SLC36A1: variants seen among roughly 807,000 people sequenced by gnomAD.
SLC36A1 encodes proton-coupled amino acid transporter 1.
In SLC36A1, 30 loss-of-function variants were observed where a neutral mutation model predicts 47.5. The ratio of observed to expected loss-of-function variants is 0.63; its 90% CI spans 0.47 to 0.86. The LOEUF (loss-of-function observed/expected upper bound fraction) is 0.86, where lower values mean the gene tolerates loss of function less well. SLC36A1 is among the 40% of genes least tolerant of loss of function. The pLI, the probability that SLC36A1 is intolerant of heterozygous loss-of-function variation, is 0.00. For synonymous variants in SLC36A1, 255 were observed against 249.7 expected (o/e 1.02, Z -0.20); for missense variants, 517 against 606.0 (o/e 0.85, Z 1.54).
the SLC36A1 span, among the ~76,000 whole-genome samples, chr5:151,365,891 C>T: frequency 6.6e-6 from 1 of 152,084 alleles, no homozygotes; most frequent in Admixed American, 6.5e-5. Flanking sequence ...GGTGGTGCCT[C>T]CTGGTGGTAC....
the SLC36A1 span, among the ~76,000 whole-genome samples, chr5:151,427,536 A>G: frequency 6.6e-6 from 1 of 152,140 alleles, no homozygotes; most frequent in African/African-American, 2.4e-5. Flanking sequence ...CTTTGTTAAG[A>G]GTTTTGTCAG....
the SLC36A1 span, chr5:151,543,753 A>C: frequency 6.2e-7 from 1 of 1,614,230 alleles, no homozygotes; most frequent in Non-Finnish European, 8.5e-7. Context: ...GGAAGACTCC[A>C]TCAGAAGCAC....
the SLC36A1 span, chr5:151,527,270 C>T: frequency 4.5e-5 from 73 of 1,612,824 alleles, no homozygotes; most frequent in African/African-American, 8.0e-5. Context: ...GGAAGAATCT[C>T]GGTGGGTTAT....
the SLC36A1 span, among the ~76,000 whole-genome samples, chr5:151,375,171 C>G: frequency 6.6e-6 from 1 of 152,086 alleles, no homozygotes; most frequent in Admixed American, 6.5e-5. Flanking sequence ...GGGTTTTCTT[C>G]TAGCATTTTA....
chr5:151,383,391 C>T, the SLC36A1 span, among the ~76,000 whole-genome samples: 3 of 152,038 alleles, frequency 2.0e-5, no homozygotes, highest in Non-Finnish European at 4.4e-5. Context: ...TCACATTTGT[C>T]GTACAGCTTA....
At position 151,454,083 on chromosome 5, in the gene SLC36A1, A is replaced by ATTTT. The variant is rs35097474; in HGVS notation, c.-5-4684_-5-4681dup. ...AATGTTTTAAGGTTTGTACACTTAA[A>ATTTT]TTTTTTTTTTTTTTTTTTTTTTTTG... On this transcript the variant is annotated intron_variant, in intron 1 of 10. Transcript: ENST00000243389. 8.9e-3 allele frequency among the ~76,000 whole-genome samples: 787 copies of ATTTT among 88,002 alleles called. 11 individuals are homozygous for ATTTT. The highest frequency in any genetic ancestry group is 0.033 in the African/African-American group (702 of 21,194). The allele number at this position is 88,002 out of a possible 152,430, so 57.7% of individuals were successfully genotyped here. A position where few individuals can be genotyped will look rare whatever the true frequency, so the allele number is the denominator to read the frequency against.
chr5:151,415,989 C>T, the SLC36A1 span, among the ~76,000 whole-genome samples: 2 of 152,136 alleles, frequency 1.3e-5, no homozygotes, highest in Non-Finnish European at 2.9e-5. Flanking sequence ...TGCCTGTAAT[C>T]CCAGCTACTG....
the SLC36A1 span, among the ~76,000 whole-genome samples, chr5:151,356,566 A>T: frequency 6.9e-4 from 105 of 152,130 alleles, no homozygotes; most frequent in African/African-American, 2.3e-3. Flanking sequence ...TTCTCCCTGA[A>T]ATGCCCTTCA....
At chr5:151,433,538 G>T (rs533438354), upstream of SLC36A1, among the ~76,000 whole-genome samples, 3 of 150,818 alleles carry the variant, frequency 2.0e-5, no homozygotes, top group Non-Finnish European at 3.0e-5. Flanking sequence ...TGATCCGCCC[G>T]CCTTGGCCTT....
At chr5:151,393,434 A>T in the SLC36A1 span, among the ~76,000 whole-genome samples, 1 of 152,062 alleles carries the variant, frequency 6.6e-6, no homozygotes, top group Non-Finnish European at 1.5e-5. Context: ...TGTGAATTTG[A>T]TCCTGTCATT....
chr5:151,534,500 C>T, the SLC36A1 span: 2 of 1,614,068 alleles, frequency 1.2e-6, no homozygotes, highest in Non-Finnish European at 8.5e-7. Context: ...TGGGGAAGAA[C>T]CGCGGGGCAT....
the SLC36A1 span, chr5:151,512,110 C>G: frequency 2.6e-6 from 4 of 1,542,516 alleles, no homozygotes; most frequent in Non-Finnish European, 3.5e-6. This position sits in a 1 kb window ranked among gnomAD's most constrained non-coding sequence, Gnocchi z 4.1. Context: ...GCTTTTCCCA[C>G]CTGAAGAGCC....
At chr5:151,542,845 TTGGTGGATTCG>T in the SLC36A1 span, 1 of 1,614,168 alleles carries the variant, frequency 6.2e-7, no homozygotes. Flanking sequence ...CTGGTACAAT[TTGGTGGATTCG>T]TGGTCCATGG....
At chr5:151,412,330 T>C in the SLC36A1 span, among the ~76,000 whole-genome samples, 4 of 144,862 alleles carry the variant, frequency 2.8e-5, 1 homozygote, top group Non-Finnish European at 6.1e-5. Context: ...TTGGGCATTA[T>C]GCAGAAATTT....
chr5:151,498,191 C>G, the SLC36A1 span, among the ~76,000 whole-genome samples: 1 of 152,110 alleles, frequency 6.6e-6, no homozygotes, highest in East Asian at 1.9e-4. Flanking sequence ...GTGATCCACC[C>G]ACCTCGGCCT....
intron 9 of SLC36A1, among the ~76,000 whole-genome samples, chr5:151,477,919 A>G (rs1457667048): frequency 6.6e-6 from 1 of 151,886 alleles, no homozygotes; most frequent in Non-Finnish European, 1.5e-5. Context: ...AGCTGCTGTA[A>G]CTCTTCTGCC....
At chr5:151,473,174 C>CTAGA (rs71575106) in intron 7 of SLC36A1, among the ~76,000 whole-genome samples, 2,432 of 132,012 alleles carry the variant, frequency 0.018, 33 homozygotes, top group East Asian at 0.033. Context: ...GACTCTGTCT[C>CTAGA]TAGATAGATA....
chr5:151,521,868 G>A, the SLC36A1 span: 1 of 1,614,180 alleles, frequency 6.2e-7, no homozygotes, highest in Non-Finnish European at 8.5e-7. Flanking sequence ...AGAAGTGCCT[G>A]CCCAGGGTCT....
chr5:151,507,114 C>G, the SLC36A1 span: 7 of 1,505,846 alleles, frequency 4.6e-6, no homozygotes, highest in South Asian at 9.3e-5. Flanking sequence ...CCACCCACTT[C>G]CATCAATCCC....
Sources: allele counts gnomAD v4.1 joint callset (sites outside exome capture counted in the v4.1 genomes callset), GRCh38; gene constraint gnomAD v4.1.1; non-coding constraint Gnocchi (gnomAD v3.1); transcripts MANE v1.5; gene names NCBI Gene and HGNC (gene_info 2026-07-23, HGNC 2026-07-21).